Variants in EFR3B observed in about 807,000 individuals in gnomAD.
The protein encoded by EFR3B is EFR3 homolog B.
A neutral mutation model predicts 104.7 loss-of-function variants in EFR3B; 64 were observed. That is an observed-to-expected ratio of 0.61 (90% CI 0.50 to 0.75). The LOEUF is 0.75. Ranked by LOEUF, EFR3B falls within the 30% of genes least tolerant of loss-of-function variation. The pLI, the probability that EFR3B is intolerant of heterozygous loss-of-function variation, is 0.00. For synonymous variants in EFR3B, 385 were observed against 417.9 expected, an observed-to-expected ratio of 0.92 and a Z score of 0.96; for missense variants, 750 against 1,078.5, an observed-to-expected ratio of 0.70 and a Z score of 4.27.
intron 20 of EFR3B, among the ~76,000 whole-genome samples, chr2:25,150,547 T>C (rs771658040): frequency 2.8e-4 from 42 of 152,016 alleles, no homozygotes; most frequent in Non-Finnish European, 4.9e-4. Context: ...TGCCTGTAAA[T>C]GCCAAACTTT....
intron 1 of EFR3B, among the ~76,000 whole-genome samples, chr2:25,048,886 A>G (rs1667792324): frequency 4.6e-5 from 7 of 152,094 alleles, no homozygotes; most frequent in Admixed American, 1.3e-4. Context: ...CTTTATTTCT[A>G]CAATCTCTTG....
chr2:25,080,992 C>T, intron 1 of EFR3B: 1 of 756,650 alleles, frequency 1.3e-6, no homozygotes. Context: ...TCAACAGGTT[C>T]TTTAATTGCA....
In EFR3B at chr2:25,131,280, C is replaced by A. The variant is rs1670321526; in HGVS notation, c.850-88C>A. 14 of 1,493,602 alleles carry A rather than the reference C, an allele frequency of 9.4e-6. No individual in the cohort carries two copies. The highest frequency in any genetic ancestry group is 9.0e-6 in the Non-Finnish European group (10 of 1,115,966). The allele number at this position is 1,493,602 out of a possible 1,614,324, so 92.5% of individuals were successfully genotyped here. On this transcript the variant is annotated intron_variant, in intron 8 of 22. Transcript: ENST00000403714. The surrounding 1 kb of genome is among the most constrained non-coding windows in gnomAD (Gnocchi z 7.6). ...GGCCTTGGAACGTCCCTTTAGTTTA[C>A]CCCCGCCTTTGGGTGCCAGGAGAGG...
intron 19 of EFR3B, among the ~76,000 whole-genome samples, chr2:25,149,175 C>A (rs1242420687): frequency 5.9e-5 from 9 of 151,758 alleles, no homozygotes; most frequent in Non-Finnish European, 1.3e-4. Flanking sequence ...ATGGTGAAAC[C>A]CGTCTCTACT....
At chr2:25,067,084 T>C (rs190826473) in intron 1 of EFR3B, among the ~76,000 whole-genome samples, 403 of 152,346 alleles carry the variant, frequency 2.6e-3, no homozygotes, top group Admixed American at 4.3e-3. Context: ...TGGTAGCCAT[T>C]AGCCACATGT....
At position 25,137,612 on chromosome 2, in the gene EFR3B, C is replaced by A; in HGVS notation, c.1722+110C>A. On this transcript the variant is annotated intron_variant, in intron 15 of 22. Transcript: ENST00000403714. This position sits in a 1 kb window ranked among gnomAD's most constrained non-coding sequence, Gnocchi z 4.7. ...GCAACTGCTTAACACTGTTTTGGAG[C>A]CCAGGAATATTGTACTCGTGGTTGG... The A allele has an allele frequency of 6.9e-7, 1 of 1,449,988 alleles. No individual in the cohort carries two copies. Among genetic ancestry groups the A allele is most frequent in the Non-Finnish European group, 9.3e-7 (1 of 1,077,702 alleles). 89.8% of individuals were successfully genotyped at this position (1,449,988 alleles called of 1,614,324 possible).
At chr2:25,124,551 T>A (rs1670112348) in intron 5 of EFR3B, among the ~76,000 whole-genome samples, 2 of 150,616 alleles carry the variant, frequency 1.3e-5, no homozygotes, top group South Asian at 4.2e-4. Context: ...GCTAACACGG[T>A]GAAACCCCTA....
At chr2:25,108,512 A>G (rs1240448145) in intron 4 of EFR3B, among the ~76,000 whole-genome samples, 1 of 152,226 alleles carries the variant, frequency 6.6e-6, no homozygotes, top group Non-Finnish European at 1.5e-5. Context: ...TTTCACTTCT[A>G]TTTCACACCA....
At chr2:25,134,656 C>T (rs777505402) in intron 12 of EFR3B, among the ~76,000 whole-genome samples, 6 of 152,140 alleles carry the variant, frequency 3.9e-5, no homozygotes, top group Non-Finnish European at 5.9e-5. Context: ...TCCCTCCCCT[C>T]CAGTCCACAC....
At chr2:25,055,713 G>A (rs765569188) in intron 1 of EFR3B, among the ~76,000 whole-genome samples, 4 of 152,224 alleles carry the variant, frequency 2.6e-5, no homozygotes, top group Non-Finnish European at 4.4e-5. Context: ...TGAAGATCTT[G>A]TAGAAAGGAA....
At chr2:25,149,845 T>A in intron 20 of EFR3B, 103 bp downstream of exon 20, 3 of 1,060,454 alleles carry the variant, frequency 2.8e-6, no homozygotes, top group Non-Finnish European at 4.3e-6. Flanking sequence ...CGCAGTGGGA[T>A]CCAGCACCTG....
intron 1 of EFR3B, among the ~76,000 whole-genome samples, chr2:25,065,674 G>C (rs536067724): frequency 6.6e-6 from 1 of 152,212 alleles, no homozygotes; most frequent in African/African-American, 2.4e-5. Flanking sequence ...GCCTTCACCT[G>C]CTTCTCAGTT....
intron 1 of EFR3B, among the ~76,000 whole-genome samples, chr2:25,078,643 G>C (rs1487387454): frequency 2.0e-5 from 3 of 152,178 alleles, no homozygotes; most frequent in Non-Finnish European, 4.4e-5. Flanking sequence ...ATGAGACCTA[G>C]GAATTTACAG....
intron 5 of EFR3B, among the ~76,000 whole-genome samples, chr2:25,127,863 T>C (rs1240018894): frequency 6.6e-6 from 1 of 152,168 alleles, no homozygotes; most frequent in African/African-American, 2.4e-5. Context: ...AGCTCTTACA[T>C]CTTGGGCCCA....
At chr2:25,117,003 T>C (rs1470627475) in intron 4 of EFR3B, among the ~76,000 whole-genome samples, 1 of 152,164 alleles carries the variant, frequency 6.6e-6, no homozygotes, top group Non-Finnish European at 1.5e-5. Flanking sequence ...ACGCTGGCCG[T>C]GAGCAGCTGC....
At chr2:25,070,197 G>A (rs1265767843) in intron 1 of EFR3B, among the ~76,000 whole-genome samples, 3 of 152,128 alleles carry the variant, frequency 2.0e-5, no homozygotes, top group Non-Finnish European at 2.9e-5. Context: ...CCCCAGAGTC[G>A]AGTCCCACCT....
intron 1 of EFR3B, among the ~76,000 whole-genome samples, chr2:25,087,361 G>GTATATA (rs67038461): frequency 2.0e-5 from 3 of 148,826 alleles, no homozygotes; most frequent in Non-Finnish European, 4.5e-5. Context: ...CTTCATATAT[G>GTATATA]TATATATATA....
Position 25,069,489 on chromosome 2 carries a change from T to G in EFR3B, c.8-21836T>G, listed in dbSNP as rs527261664. Among the ~76,000 whole-genome samples, 5 of 152,344 alleles carry G rather than the reference T, an allele frequency of 3.3e-5. No individual in the cohort carries two copies. The South Asian group carries it at 1.0e-3, about 32-fold the overall frequency. ...AAAGAATTCAAGGGCAAGCTAGTGA[T>G]AGAGTAGAAGAAAACAGCCTTATTG... On this transcript the variant is annotated intron_variant, in intron 1 of 22. Transcript: ENST00000403714.
intron 1 of EFR3B, chr2:25,080,569 C>T (rs561650550): frequency 1.8e-5 from 9 of 509,230 alleles, no homozygotes; most frequent in South Asian, 1.4e-4. Flanking sequence ...GTTGGGATTA[C>T]AGGCATGAGC....
Sources: allele counts gnomAD v4.1 joint callset (sites outside exome capture counted in the v4.1 genomes callset), GRCh38; gene constraint gnomAD v4.1.1; non-coding constraint Gnocchi (gnomAD v3.1); transcripts MANE v1.5; gene names NCBI Gene and HGNC (gene_info 2026-07-23, HGNC 2026-07-21).